HAGH: variants seen among roughly 807,000 people sequenced by gnomAD.
HAGH encodes hydroxyacylglutathione hydrolase, mitochondrial.
A neutral mutation model predicts 35.1 loss-of-function variants in HAGH; 29 were observed. That is an observed-to-expected ratio of 0.83 (90% CI 0.62 to 1.13). The LOEUF (loss-of-function observed/expected upper bound fraction) is 1.13, where lower values mean the gene tolerates loss of function less well. HAGH is among the 50% of genes most tolerant of loss of function. The pLI is 0.00. For synonymous variants in HAGH, 225 were observed against 176.1 expected, an observed-to-expected ratio of 1.28 and a Z score of -2.20; for missense variants, 478 against 419.6, an observed-to-expected ratio of 1.14 and a Z score of -1.22.
chr16:1,816,885 C>T lies in HAGH; in HGVS notation c.747+8G>A, dbSNP rs1220080986. 1.3e-6 allele frequency: 2 copies of T among 1,588,286 alleles called. No homozygotes were observed. Among genetic ancestry groups the T allele is most frequent in the Non-Finnish European group, 1.7e-6 (2 of 1,157,120 alleles). On this transcript the variant is annotated splice_region_variant and intron_variant, in intron 7 of 8. Transcript: ENST00000397356. ...AGGAAGGCACTGCGCAGTGACGGCC[C>T]CACTCACCTTGGCCCAGGCCAGCTT...
intron 5 of HAGH, chr16:1,818,867 C>T: frequency 1.9e-6 from 1 of 517,670 alleles, no homozygotes; most frequent in Admixed American, 3.5e-5. Flanking sequence ...CCCGCCCGGA[C>T]CCCAGCTGTC....
At chr16:1,813,703 C>G (rs770195708) in intron 7 of HAGH, among the ~76,000 whole-genome samples, 2 of 152,162 alleles carry the variant, frequency 1.3e-5, no homozygotes, top group African/African-American at 2.4e-5. Context: ...TAGAAGTTCA[C>G]GAGATGATTC....
Position 1,817,291 on chromosome 16 carries a change from C to T in HAGH, c.542-20G>A, listed in dbSNP as rs371561355. 1.3e-5 allele frequency: 20 copies of T among 1,512,648 alleles called. No individual in the cohort carries two copies. The highest frequency in any genetic ancestry group is 5.5e-5 in the African/African-American group (4 of 72,972). 93.7% of individuals were successfully genotyped at this position (1,512,648 alleles called of 1,614,324 possible). ...TGTCACCTGGAAACAAGGACAGCCA[C>T]GAGGTGGGGGCCACTTGAGGCTGGT... On this transcript the variant is annotated intron_variant, in intron 5 of 8. Transcript: ENST00000397356.
intron 7 of HAGH, 115 bp downstream of exon 7, chr16:1,816,778 C>CA (rs1421364128): frequency 2.9e-6 from 2 of 699,592 alleles, no homozygotes; most frequent in Non-Finnish European, 5.1e-6. Context: ...GCCTGAATCC[C>CA]AGGCCTGCTC....
In HAGH at chr16:1,817,174, C is replaced by T. The variant is rs778910933; in HGVS notation, c.639G>A (p.Pro213=). 11 of 1,604,654 alleles carry T rather than the reference C, an allele frequency of 6.9e-6. No individual in the cohort carries two copies. Among genetic ancestry groups the T allele is most frequent in the South Asian group, 2.2e-5 (2 of 90,910 alleles). Residue 213 remains proline (P), a synonymous_variant, in exon 6 of 9, where the codon CCG becomes CCA. Coordinates refer to ENST00000397356, the MANE Select transcript of HAGH (RefSeq NM_005326.6). Reference sequence around the variant, plus strand: ...GCAGGGAGGCGCTGCCTACTGTGTCCGGGGGGAGCCGGCCCAAGACCTCCA... The same window carrying T: ...GCAGGGAGGCGCTGCCTACTGTGTCTGGGGGGAGCCGGCCCAAGACCTCCA... ...ALLEVLGRLP[P]DTRVYCGHEY... is the part of the protein sequence containing the mutation.
Position 1,809,073 on chromosome 16 carries a change from G to C in HAGH, c.*210C>G. 1 of 533,794 alleles carries C rather than the reference G, an allele frequency of 1.9e-6. No individual in the cohort carries two copies. The highest frequency in any genetic ancestry group is 3.2e-5 in the Admixed American group (1 of 31,644). 33.1% of individuals were successfully genotyped at this position (533,794 alleles called of 1,614,324 possible). A position where few individuals can be genotyped will look rare whatever the true frequency, so the allele number is the denominator to read the frequency against. ...CCGAGGGGACAAGCAGAGGCCTAAAGGCCAGAAGAAAACAGTCTGCAAGGG... is the reference window on the plus strand; with the variant it reads ...CCGAGGGGACAAGCAGAGGCCTAAACGCCAGAAGAAAACAGTCTGCAAGGG... On this transcript the variant is annotated 3_prime_UTR_variant, in exon 9 of 9. Coordinates refer to ENST00000397356, the MANE Select transcript of HAGH (RefSeq NM_005326.6).
At chr16:1,810,118 T>A in intron 7 of HAGH, 1 of 408,848 alleles carries the variant, frequency 2.4e-6, no homozygotes, top group Non-Finnish European at 4.5e-6. Flanking sequence ...GCCAAGACTG[T>A]GCTACTGCCC....
In HAGH at chr16:1,822,378, G is replaced by C; in HGVS notation, c.250-14C>G. 2 of 1,599,870 alleles carry C rather than the reference G, an allele frequency of 1.3e-6. No homozygotes were observed. Among genetic ancestry groups the C allele is most frequent in the South Asian group, 1.1e-5 (1 of 90,892 alleles). ...CGCGTCCACGACCTGCAGTGGCCCC[G>C]GGGAAGGACAAAGGCCTGTCACACT... On this transcript the variant is annotated splice_polypyrimidine_tract_variant and intron_variant, in intron 2 of 8. Coordinates refer to ENST00000397356, the MANE Select transcript of HAGH (RefSeq NM_005326.6).
Position 1,817,232 on chromosome 16 carries a change from T to TCATAGAACTTCCCGCAGCCAG in HAGH, c.560_580dup (p.Ala187_Tyr193dup), listed in dbSNP as rs1897946365. On this transcript the variant is annotated inframe_insertion, in exon 6 of 9. Coordinates refer to ENST00000397356, the MANE Select transcript of HAGH (RefSeq NM_005326.6). ...TTTACACATCTCATCCGCAGTCCCT[T>TCATAGAACTTCCCGCAGCCAG]CATAGAACTTCCCGCAGCCAGCCAC... 6.2e-7 allele frequency: 1 copy of TCATAGAACTTCCCGCAGCCAG among 1,613,390 alleles called. No homozygotes were observed. Among genetic ancestry groups the TCATAGAACTTCCCGCAGCCAG allele is most frequent in the African/African-American group, 1.3e-5 (1 of 74,862 alleles).
chr16:1,822,220 G>A lies in HAGH; in HGVS notation c.314+80C>T, dbSNP rs1898183835. 3.5e-6 allele frequency: 3 copies of A among 854,454 alleles called. No homozygotes were observed. The East Asian group carries it at 7.9e-5, about 22-fold the overall frequency. 52.9% of individuals were successfully genotyped at this position (854,454 alleles called of 1,614,324 possible). A position where few individuals can be genotyped will look rare whatever the true frequency, so the allele number is the denominator to read the frequency against. ...CAAAGCAGACAGAGCCGTGGGGGGA[G>A]ACAGGCCTTGATGTCCCTAAACCCA... On this transcript the variant is annotated intron_variant, in intron 3 of 8. Coordinates refer to ENST00000397356, the MANE Select transcript of HAGH (RefSeq NM_005326.6).
chr16:1,809,757 A>T lies in HAGH; in HGVS notation c.824T>A (p.Val275Glu), dbSNP rs1250074086. 1.2e-6 allele frequency: 2 copies of T among 1,610,076 alleles called. No homozygotes were observed. Among genetic ancestry groups the T allele is most frequent in the African/African-American group, 1.3e-5 (1 of 74,748 alleles). ...CACCACCTGCCCTGGGCCTCACCTC[A>T]CTCTCATGAAGGGGTTGTAGGTAAA... ...EEFTYNPFMR[V>E]REKTVQQHAG... The change falls in exon 8 of 9, where the codon GTG becomes GAG. Residue 275 changes from valine to glutamate, a missense_variant. Val to Glu is a moderately radical substitution (Grantham distance 121). Coordinates refer to ENST00000397356, the MANE Select transcript of HAGH (RefSeq NM_005326.6).
intron 3 of HAGH, 133 bp from the exon 4 acceptor site, chr16:1,820,147 C>T (rs1470261839): frequency 1.4e-6 from 1 of 704,134 alleles, no homozygotes; most frequent in East Asian, 2.5e-5. Context: ...ACTTATTTTC[C>T]ACTCACAAAG....
chr16:1,818,518 C>T (rs1260899307), intron 5 of HAGH: 1 of 152,322 alleles, frequency 6.6e-6, no homozygotes, highest in Non-Finnish European at 1.5e-5. Flanking sequence ...GCCTCCCAGC[C>T]GTACAAGGCC....
chr16:1,817,113 G>A, intron 6 of HAGH, 55 bp downstream of exon 6: 1 of 1,372,508 alleles, frequency 7.3e-7, no homozygotes, highest in South Asian at 1.2e-5. Context: ...AGGGAGAGCA[G>A]CCCCGCCCTG....
rs781650619 is a variant in HAGH at position 1,809,292 on chromosome 16, G to A, written c.918C>T (p.Pro306=). ...VRREKDQFKM[P]RD Reference sequence around the variant, plus strand: ...AAGGTGCAGGGCGGCCTCAGTCCCGGGGCATCTTGAACTGGTCCTTCTCCC... The same window carrying A: ...AAGGTGCAGGGCGGCCTCAGTCCCGAGGCATCTTGAACTGGTCCTTCTCCC... The change falls in exon 9 of 9, where the codon CCC becomes CCT. Residue 306 remains proline (P), a synonymous_variant. Coordinates refer to ENST00000397356, the MANE Select transcript of HAGH (RefSeq NM_005326.6). 6.2e-7 allele frequency: 1 copy of A among 1,608,472 alleles called. No individual in the cohort carries two copies. The highest frequency in any genetic ancestry group is 8.5e-7 in the Non-Finnish European group (1 of 1,175,768).
chr16:1,812,892 G>A (rs905954606), intron 7 of HAGH, among the ~76,000 whole-genome samples: 3 of 126,408 alleles, frequency 2.4e-5, no homozygotes, highest in Admixed American at 7.4e-5. Flanking sequence ...TGGCTCCACC[G>A]TGTGGTGTGC....
intron 8 of HAGH, 116 bp downstream of exon 8, chr16:1,809,638 G>A (rs994506033): frequency 4.4e-5 from 36 of 814,652 alleles, no homozygotes; most frequent in South Asian, 1.3e-4. Flanking sequence ...CTGCACCTGT[G>A]ACAGCTCCCC....
chr16:1,809,795 G>C lies in HAGH; in HGVS notation c.786C>G (p.Thr262=). The part of the protein sequence containing the change: ...YSIGEPTVPS[T]LAEEFTYNPF... ...GGTTGTAGGTAAACTCCTCTGCCAG[G>C]GTGGATGGCACTGTGGGCTCCCCGA... Residue 262 remains threonine (T), a synonymous_variant, in exon 8 of 9, where the codon ACC becomes ACG. Transcript: ENST00000397356. 1 of 1,613,848 alleles carries C rather than the reference G, an allele frequency of 6.2e-7. No individual in the cohort carries two copies. The highest frequency in any genetic ancestry group is 8.5e-7 in the Non-Finnish European group (1 of 1,179,716).
At chr16:1,820,348 A>G (rs114209829) in intron 3 of HAGH, among the ~76,000 whole-genome samples, 1 of 129,184 alleles carries the variant, frequency 7.7e-6, no homozygotes, top group East Asian at 2.4e-4. Context: ...GTCTGGGGAG[A>G]GGCCTGGGGT....
Sources: allele counts gnomAD v4.1 joint callset (sites outside exome capture counted in the v4.1 genomes callset), GRCh38; gene constraint gnomAD v4.1.1; transcripts MANE v1.5; gene names NCBI Gene and HGNC (gene_info 2026-07-23, HGNC 2026-07-21).